ARL15: variants seen among roughly 807,000 people sequenced by gnomAD.
ARL15 encodes ARF like GTPase 15, also known as ADP-ribosylation factor-like protein 15.
Under a neutral mutation model 25.2 loss-of-function variants are expected in ARL15, and 19 were observed. The ratio of observed to expected loss-of-function variants is 0.75; its 90% confidence interval spans 0.53 to 1.10. ARL15 has a LOEUF of 1.10. Ranked by LOEUF, ARL15 falls within the 50% of genes least tolerant of loss-of-function variation. The pLI is 0.00. For missense variants in ARL15, 220 were observed against 246.0 expected (o/e 0.89, Z 0.71); for synonymous variants, 94 against 86.8 (o/e 1.08, Z -0.46).
At chr5:53,932,922 AT>A (rs1746235213) in intron 4 of ARL15, among the ~76,000 whole-genome samples, 1 of 152,208 alleles carries the variant, frequency 6.6e-6, no homozygotes, top group Non-Finnish European at 1.5e-5. Flanking sequence ...CTTTCTCGTA[AT>A]CCCCGTCATC....
chr5:54,110,829 A>C (rs138858914), intron 4 of ARL15, among the ~76,000 whole-genome samples: 2 of 152,224 alleles, frequency 1.3e-5, no homozygotes, highest in African/African-American at 4.8e-5. Flanking sequence ...TGTTTACAAA[A>C]TGTTTAAGAT....
chr5:53,998,967 T>C (rs1234482811), intron 4 of ARL15, among the ~76,000 whole-genome samples: 1 of 152,124 alleles, frequency 6.6e-6, no homozygotes, highest in Admixed American at 6.5e-5. Context: ...GCTGAAGGGA[T>C]GTGGGGGCTA....
At chr5:54,111,579 A>C (rs1311989181) in intron 4 of ARL15, among the ~76,000 whole-genome samples, 1 of 152,116 alleles carries the variant, frequency 6.6e-6, no homozygotes, top group Non-Finnish European at 1.5e-5. Context: ...TCATAACTTT[A>C]AAAGCAGAAA....
At chr5:53,999,320 G>A (rs1748780601) in intron 4 of ARL15, among the ~76,000 whole-genome samples, 1 of 152,236 alleles carries the variant, frequency 6.6e-6, no homozygotes, top group Non-Finnish European at 1.5e-5. Flanking sequence ...CGGGCGTGGT[G>A]GCTCATGCCT....
intron 1 of ARL15, 154 bp downstream of exon 1, chr5:54,310,278 T>G: frequency 1.2e-6 from 1 of 816,796 alleles, no homozygotes; most frequent in Non-Finnish European, 1.8e-6. Flanking sequence ...CCCCTCCGAG[T>G]CCAGGGAAAG....
chr5:53,991,540 C>A (rs1748493457), intron 4 of ARL15, among the ~76,000 whole-genome samples: 1 of 41,338 alleles, frequency 2.4e-5, no homozygotes, highest in Non-Finnish European at 4.1e-5. Context: ...GAAACTCCAT[C>A]TCAAAAAAAA....
intron 1 of ARL15, among the ~76,000 whole-genome samples, chr5:54,218,552 T>C (rs1756280327): frequency 6.6e-6 from 1 of 152,178 alleles, no homozygotes; most frequent in Non-Finnish European, 1.5e-5. Flanking sequence ...AGGAATCACT[T>C]TATTTGGGGT....
At chr5:54,134,266 T>C (rs1422969609) in intron 3 of ARL15, among the ~76,000 whole-genome samples, 2 of 152,176 alleles carry the variant, frequency 1.3e-5, no homozygotes, top group South Asian at 2.1e-4. Context: ...GGGAATACCA[T>C]AGTATGGGAT....
intron 4 of ARL15, among the ~76,000 whole-genome samples, chr5:54,099,853 A>G (rs1579798984): frequency 6.6e-6 from 1 of 152,158 alleles, no homozygotes; most frequent in South Asian, 2.1e-4. Flanking sequence ...ACAGACTTTT[A>G]AGTTTTTGCC....
chr5:54,259,128 T>C (rs914305862), intron 1 of ARL15, among the ~76,000 whole-genome samples: 1 of 152,122 alleles, frequency 6.6e-6, no homozygotes, highest in Admixed American at 6.5e-5. Context: ...TCATTCATCT[T>C]GGACCCAGTA....
chr5:54,054,659 G>C (rs1477490549), intron 4 of ARL15, among the ~76,000 whole-genome samples: 1 of 152,066 alleles, frequency 6.6e-6, no homozygotes, highest in African/African-American at 2.4e-5. Flanking sequence ...GCGTGGCAGC[G>C]TGCGCCTGTA....
At chr5:53,980,911 T>C (rs1748097739) in intron 4 of ARL15, among the ~76,000 whole-genome samples, 1 of 151,900 alleles carries the variant, frequency 6.6e-6, no homozygotes, top group African/African-American at 2.4e-5. Context: ...AGCCCAGGAG[T>C]TCAAGGCTGC....
At chr5:54,302,270 C>A (rs1758633027) in intron 1 of ARL15, among the ~76,000 whole-genome samples, 1 of 152,190 alleles carries the variant, frequency 6.6e-6, no homozygotes, top group Admixed American at 6.5e-5. Flanking sequence ...TTAAGCAGCA[C>A]CGAAGAATGC....
At chr5:54,164,313 T>C (rs1754504735) in intron 2 of ARL15, among the ~76,000 whole-genome samples, 1 of 152,060 alleles carries the variant, frequency 6.6e-6, no homozygotes, top group African/African-American at 2.4e-5. Flanking sequence ...GCAAATATTC[T>C]ATGTGTACTT....
intron 4 of ARL15, among the ~76,000 whole-genome samples, chr5:54,077,566 G>A (rs1751652009): frequency 1.3e-5 from 2 of 152,174 alleles, no homozygotes; most frequent in Admixed American, 1.3e-4. Flanking sequence ...GGGGAAACAT[G>A]ATGCTCACTG....
intron 1 of ARL15, among the ~76,000 whole-genome samples, chr5:54,275,417 TG>T (rs1484271505): frequency 6.6e-6 from 1 of 152,200 alleles, no homozygotes; most frequent in Non-Finnish European, 1.5e-5. Flanking sequence ...CCTTAAGTTC[TG>T]GCAACTGGGA....
intron 4 of ARL15, among the ~76,000 whole-genome samples, chr5:53,938,386 C>T (rs879866141): frequency 6.6e-6 from 1 of 152,172 alleles, no homozygotes; most frequent in Admixed American, 6.5e-5. Flanking sequence ...AATATTTTTA[C>T]TTTCTTGTAC....
chr5:54,254,566 G>C (rs1372863718), intron 1 of ARL15, among the ~76,000 whole-genome samples: 1 of 152,198 alleles, frequency 6.6e-6, no homozygotes, highest in Non-Finnish European at 1.5e-5. Context: ...TTTAGTAGAA[G>C]AGCTCTAAAT....
At chr5:54,066,431 A>G (rs1344995455) in intron 4 of ARL15, among the ~76,000 whole-genome samples, 2 of 152,228 alleles carry the variant, frequency 1.3e-5, no homozygotes, top group African/African-American at 4.8e-5. Flanking sequence ...CTTAGATGTT[A>G]TATAGCATGA....
Sources: allele counts gnomAD v4.1 joint callset (sites outside exome capture counted in the v4.1 genomes callset), GRCh38; gene constraint gnomAD v4.1.1; transcripts MANE v1.5; gene names NCBI Gene and HGNC (gene_info 2026-07-23, HGNC 2026-07-21).